The following MCF2L variants were observed in gnomAD, a reference collection of about 807,000 sequenced individuals.
The protein encoded by MCF2L is guanine nucleotide exchange factor DBS.
MCF2L carries 97 observed loss-of-function variants against 153.4 expected under a neutral mutation model. The observed-to-expected ratio is 0.63, with a 90% CI of 0.54 to 0.75. The LOEUF (loss-of-function observed/expected upper bound fraction) is 0.75. Ranked by LOEUF, MCF2L falls within the 30% of genes least tolerant of loss-of-function variation. The pLI, the probability that MCF2L is intolerant of heterozygous loss-of-function variation, is 0.00. For synonymous variants in MCF2L, 659 were observed against 632.2 expected, an observed-to-expected ratio of 1.04 and a Z score of -0.64; for missense variants, 1,347 against 1,495.2, an observed-to-expected ratio of 0.90 and a Z score of 1.64.
At chr13:112,900,569 T>C (rs1275979121) in intron 1 of MCF2L, among the ~76,000 whole-genome samples, 2 of 151,550 alleles carry the variant, frequency 1.3e-5, no homozygotes, top group African/African-American at 2.4e-5. Context: ...TGTGCCCTGA[T>C]GAACACCAAG....
intron 3 of MCF2L, among the ~76,000 whole-genome samples, chr13:113,037,890 A>G (rs1335121568): frequency 6.6e-6 from 1 of 152,242 alleles, no homozygotes; most frequent in Non-Finnish European, 1.5e-5. Context: ...GGTATCATTC[A>G]TTATTTGTAG....
intron 1 of MCF2L, among the ~76,000 whole-genome samples, chr13:113,013,534 T>A (rs2084310830): frequency 6.6e-6 from 1 of 152,234 alleles, no homozygotes; most frequent in Non-Finnish European, 1.5e-5. Flanking sequence ...TCTGCAAGAC[T>A]GGAAGAGCAA....
chr13:113,050,885 G>T (rs1035119021), intron 4 of MCF2L, among the ~76,000 whole-genome samples: 1 of 152,124 alleles, frequency 6.6e-6, no homozygotes, highest in African/African-American at 2.4e-5. Context: ...ATGGAGGGGG[G>T]CGAGGAGCTT....
Position 113,074,893 on chromosome 13 carries a change from A to C in MCF2L, c.1117-105A>C, listed in dbSNP as rs2033295792. The stretch of plus-strand genomic sequence containing the variant: ...AGGCATCCGCAGCAGTAAACAAAGA[A>C]ATCAAGACACACGTGTGCCCCGGGA... On this transcript the variant is annotated intron_variant, in intron 10 of 29. Transcript: ENST00000535094. The surrounding 1 kb of genome is among the most constrained non-coding windows in gnomAD (Gnocchi z 4.2). 9.3e-7 allele frequency: 1 copy of C among 1,070,574 alleles called. No homozygotes were observed. The highest frequency in any genetic ancestry group is 1.6e-5 in the African/African-American group (1 of 63,716). The allele number at this position is 1,070,574 out of a possible 1,614,324, so 66.3% of individuals were successfully genotyped here. A position where few individuals can be genotyped will look rare whatever the true frequency, so the allele number is the denominator to read the frequency against.
intron 18 of MCF2L, 61 bp downstream of exon 18, chr13:113,084,128 CAG>C: frequency 1.5e-6 from 2 of 1,309,744 alleles, no homozygotes; most frequent in South Asian, 2.4e-5. Context: ...ATAATGACTT[CAG>C]ATTCTACTGC....
At chr13:112,908,589 G>A (rs1271149172) in intron 2 of MCF2L, among the ~76,000 whole-genome samples, 1 of 152,172 alleles carries the variant, frequency 6.6e-6, no homozygotes, top group Admixed American at 6.5e-5. Flanking sequence ...CTGCCTGAGT[G>A]CTCTACAATA....
chr13:112,951,010 C>A lies in MCF2L; in HGVS notation c.169+48639C>A, dbSNP rs957474404. Among the ~76,000 whole-genome samples the A allele has an allele frequency of 6.6e-6, 1 of 152,178 alleles. No individual in the cohort carries two copies. The highest frequency in any genetic ancestry group is 2.4e-5 in the African/African-American group (1 of 41,448). On this transcript the variant is annotated intron_variant, in intron 2 of 29. Transcript: ENST00000375608. This position sits in a 1 kb window ranked among gnomAD's most constrained non-coding sequence, Gnocchi z 4.8. ...GATAAAGGATTAAGAAATCTCAAAT[C>A]TCACCAGTACAAAAACAAACAATTC...
At chr13:112,901,342 C>T (rs1002089189) in intron 1 of MCF2L, among the ~76,000 whole-genome samples, 15 of 152,046 alleles carry the variant, frequency 9.9e-5, no homozygotes, top group African/African-American at 3.1e-4. Context: ...TTAGTAGAGA[C>T]GGGGTTTCGG....
intron 1 of MCF2L, among the ~76,000 whole-genome samples, chr13:113,006,637 C>T (rs1480354040): frequency 1.3e-5 from 2 of 152,168 alleles, no homozygotes; most frequent in Admixed American, 6.5e-5. Flanking sequence ...GCACCCTGGG[C>T]GGCCTCCAGG....
At chr13:113,014,645 G>C (rs552653342) in intron 1 of MCF2L, 118 bp from the exon 2 acceptor site, 25 of 732,882 alleles carry the variant, frequency 3.4e-5, no homozygotes, top group Non-Finnish European at 5.1e-5. Flanking sequence ...TTCCAGCCAC[G>C]TGACGCCACT....
chr13:113,079,783 G>GTTCGTATGGAGGAGAGTC (rs1287431039), intron 15 of MCF2L, among the ~76,000 whole-genome samples: 4 of 146,604 alleles, frequency 2.7e-5, no homozygotes, highest in Admixed American at 6.8e-5. Context: ...AGGGGCGTCT[G>GTTCGTATGGAGGAGAGTC]CACGGAGGAG....
chr13:112,946,152 ATC>A, intron 2 of MCF2L, among the ~76,000 whole-genome samples: 1 of 152,194 alleles, frequency 6.6e-6, no homozygotes, highest in East Asian at 1.9e-4. Context: ...TCACTTTATC[ATC>A]TTTTTATTTG....
chr13:112,896,463 C>CCCCG (rs1555347671), intron 1 of MCF2L, among the ~76,000 whole-genome samples: 7 of 152,122 alleles, frequency 4.6e-5, no homozygotes, highest in African/African-American at 1.7e-4. Flanking sequence ...AGAGGCCCCC[C>CCCCG]CTGTCTTTAC....
chr13:113,067,106 A>G (rs2032495725), intron 8 of MCF2L, among the ~76,000 whole-genome samples: 1 of 152,250 alleles, frequency 6.6e-6, no homozygotes, highest in South Asian at 2.1e-4. Context: ...AGCTTCCCAA[A>G]GACTCAGTTT....
intron 2 of MCF2L, among the ~76,000 whole-genome samples, chr13:112,924,085 A>T (rs1044074387): frequency 1.5e-4 from 23 of 152,094 alleles, no homozygotes; most frequent in South Asian, 4.2e-4. Flanking sequence ...ATTTGACGAC[A>T]TGGTTAAGAA....
Position 113,084,945 on chromosome 13 carries a change from G to A in MCF2L, c.2115G>A (p.Glu705=), listed in dbSNP as rs768283299. The A allele has an allele frequency of 4.3e-6, 7 of 1,614,076 alleles. No homozygotes were observed. The highest frequency in any genetic ancestry group is 5.9e-6 in the Non-Finnish European group (7 of 1,180,026). ...EKYCQNKPRS[E]SLWRQCSDCP... The stretch of plus-strand genomic sequence containing the variant: ...ACTGTCAGAACAAGCCCCGCTCTGA[G>A]AGCCTGTGGAGACAGTGCTCCGACT... The change falls in exon 19 of 30, where the codon GAG becomes GAA. Residue 705 remains glutamate (E), a synonymous_variant. Coordinates refer to ENST00000535094, the MANE Select transcript of MCF2L (RefSeq NM_001112732.3).
intron 20 of MCF2L, 100 bp from the exon 21 acceptor site, chr13:113,086,024 A>T: frequency 7.7e-7 from 1 of 1,299,604 alleles, no homozygotes. Context: ...GGGGAGGGTG[A>T]GCAGCATCCC....
intron 2 of MCF2L, among the ~76,000 whole-genome samples, chr13:112,916,799 C>T (rs2081296931): frequency 6.6e-6 from 1 of 152,166 alleles, no homozygotes; most frequent in South Asian, 2.1e-4. Flanking sequence ...GCCCCCAAGG[C>T]CTCTTCCCCA....
intron 1 of MCF2L, among the ~76,000 whole-genome samples, chr13:112,995,287 G>A (rs1408638587): frequency 6.6e-6 from 1 of 152,210 alleles, no homozygotes; most frequent in Non-Finnish European, 1.5e-5. Context: ...GAGCCTGTCC[G>A]CCTCCTGAAC....
Sources: allele counts gnomAD v4.1 joint callset (sites outside exome capture counted in the v4.1 genomes callset), GRCh38; gene constraint gnomAD v4.1.1; non-coding constraint Gnocchi (gnomAD v3.1); transcripts MANE v1.5; gene names NCBI Gene and HGNC (gene_info 2026-07-23, HGNC 2026-07-21).